Variants in NT5DC3 observed in about 807,000 individuals in gnomAD.
The protein encoded by NT5DC3 is 5'-nucleotidase domain containing 3.
Under a neutral mutation model 67.8 loss-of-function variants are expected in NT5DC3, and 42 were observed. The ratio of observed to expected loss-of-function variants is 0.62; its 90% confidence interval spans 0.48 to 0.80. The LOEUF (loss-of-function observed/expected upper bound fraction) is 0.80. NT5DC3 is among the 30% of genes least tolerant of loss of function. The pLI, the probability that NT5DC3 is intolerant of heterozygous loss-of-function variation, is 0.00. For synonymous variants in NT5DC3, 237 were observed against 255.6 expected (o/e 0.93, Z 0.69); for missense variants, 570 against 696.4 (o/e 0.82, Z 2.04).
the NT5DC3 span, chr12:103,749,191 G>C: frequency 6.4e-7 from 1 of 1,563,132 alleles, no homozygotes; most frequent in African/African-American, 1.4e-5. Context: ...TTTGGGAGCA[G>C]CGCCGTGGGC....
At chr12:103,796,243 G>T (rs143957669) in intron 6 of NT5DC3, among the ~76,000 whole-genome samples, 1 of 152,000 alleles carries the variant, frequency 6.6e-6, no homozygotes, top group Non-Finnish European at 1.5e-5. Flanking sequence ...CTGGCCGGGC[G>T]TGGTGGCTCA....
chr12:103,831,700 T>TAAAGGCCA (rs1337526512), intron 1 of NT5DC3, among the ~76,000 whole-genome samples: 87 of 150,750 alleles, frequency 5.8e-4, no homozygotes, highest in African/African-American at 2.1e-3. Context: ...GCACGACCAA[T>TAAAGGCCA]AAAGGCCAAC....
rs77352706 is a variant in NT5DC3, at chr12:103,792,884, A to G, written c.1019+280T>C. Among the ~76,000 whole-genome samples the G allele has an allele frequency of 5.1e-3, 772 of 152,338 alleles. 5 individuals carry two copies. Among genetic ancestry groups the G allele is most frequent in the African/African-American group, 0.018 (744 of 41,578 alleles). On this transcript the variant is annotated intron_variant, in intron 9 of 13. Transcript: ENST00000392876. ...TAAAGATCTAATTTACTACGTGATA[A>G]TAAGTTTGGCTTTCTCATCACTGCC...
chr12:103,785,654 A>C (rs1431587445), intron 11 of NT5DC3, 179 bp from the exon 12 acceptor site: 2 of 703,336 alleles, frequency 2.8e-6, no homozygotes, highest in Non-Finnish European at 5.0e-6. Context: ...CCAGCCTTTG[A>C]TCATTTCATT....
the NT5DC3 span, chr12:103,762,396 T>A: frequency 6.2e-7 from 1 of 1,614,200 alleles, no homozygotes; most frequent in Non-Finnish European, 8.5e-7. Context: ...GCTTCCAGCA[T>A]TTTGAGGTAA....
chr12:103,834,852 G>T (rs1223611201), intron 1 of NT5DC3, among the ~76,000 whole-genome samples: 1 of 152,148 alleles, frequency 6.6e-6, no homozygotes, highest in African/African-American at 2.4e-5. Flanking sequence ...AACAGATCAA[G>T]TGGCCAGAAA....
intron 2 of NT5DC3, among the ~76,000 whole-genome samples, chr12:103,812,089 T>A (rs144178732): frequency 7.9e-5 from 12 of 152,272 alleles, no homozygotes; most frequent in African/African-American, 2.9e-4. Flanking sequence ...CAGTTATTAC[T>A]CAATTTTTAA....
intron 2 of NT5DC3, among the ~76,000 whole-genome samples, chr12:103,811,943 A>T (rs1035301819): frequency 1.3e-5 from 2 of 152,124 alleles, no homozygotes; most frequent in African/African-American, 4.8e-5. Context: ...TGCTTTGGAT[A>T]TGAACAATCA....
At chr12:103,808,188 C>T (rs570500658) in intron 2 of NT5DC3, among the ~76,000 whole-genome samples, 2 of 152,252 alleles carry the variant, frequency 1.3e-5, no homozygotes, top group South Asian at 2.1e-4. Context: ...TGCTACTACA[C>T]GGCAGGCCCT....
chr12:103,758,371 A>C, the NT5DC3 span: 1 of 1,586,600 alleles, frequency 6.3e-7, no homozygotes, highest in Non-Finnish European at 8.6e-7. Flanking sequence ...AATTACCTGA[A>C]AACTCAGTGG....
the NT5DC3 span, among the ~76,000 whole-genome samples, chr12:103,751,375 TGAG>T: frequency 6.6e-6 from 1 of 152,086 alleles, no homozygotes; most frequent in African/African-American, 2.4e-5. Flanking sequence ...GGGTCTGTAC[TGAG>T]GAGTGAGATG....
At chr12:103,812,500 T>A (rs1309673230) in intron 2 of NT5DC3, among the ~76,000 whole-genome samples, 1 of 145,926 alleles carries the variant, frequency 6.9e-6, no homozygotes, top group Non-Finnish European at 1.5e-5. Flanking sequence ...CAGCTTTTAT[T>A]TTATCCATCT....
chr12:103,807,214 C>T (rs1886838103), intron 2 of NT5DC3, among the ~76,000 whole-genome samples: 1 of 152,184 alleles, frequency 6.6e-6, no homozygotes, highest in Non-Finnish European at 1.5e-5. Context: ...TCCTCTCTTT[C>T]CCTCCCCTAC....
chr12:103,772,143 T>C (rs367831368), downstream of NT5DC3, among the ~76,000 whole-genome samples: 3 of 152,202 alleles, frequency 2.0e-5, no homozygotes, highest in East Asian at 5.8e-4. Context: ...CTTTTTGAAG[T>C]CCCTTAGAAT....
At chr12:103,763,201 CTGGG>C in the NT5DC3 span, 2 of 327,442 alleles carry the variant, frequency 6.1e-6, no homozygotes, top group Admixed American at 4.4e-5. Context: ...AGCAGTTACC[CTGGG>C]TGGCAGGCAC....
chr12:103,761,892 T>C, the NT5DC3 span, among the ~76,000 whole-genome samples: 3 of 152,286 alleles, frequency 2.0e-5, no homozygotes, highest in South Asian at 6.2e-4. Flanking sequence ...AGTATTCTTT[T>C]TTGCAAAAGC....
chr12:103,809,681 A>C (rs1886947683), intron 2 of NT5DC3, among the ~76,000 whole-genome samples: 2 of 152,190 alleles, frequency 1.3e-5, no homozygotes, highest in African/African-American at 4.8e-5. Flanking sequence ...AGAACAGCAC[A>C]GGAAAAACCC....
intron 9 of NT5DC3, among the ~76,000 whole-genome samples, chr12:103,792,092 T>G (rs1363652210): frequency 6.6e-6 from 1 of 152,152 alleles, no homozygotes; most frequent in Non-Finnish European, 1.5e-5. Context: ...ACCAGCCCCA[T>G]CATGGGACGG....
the NT5DC3 span, chr12:103,753,287 C>T: frequency 6.2e-7 from 1 of 1,614,212 alleles, no homozygotes. Flanking sequence ...TTGACAAAGC[C>T]AGAGAGGCCT....
Sources: gnomAD v4.1 joint callset for allele counts (sites outside exome capture counted in the v4.1 genomes callset) on GRCh38, gnomAD v4.1.1 for gene constraint, MANE v1.5 for transcripts, NCBI Gene and HGNC (gene_info 2026-07-23, HGNC 2026-07-21) for gene names.